MAD1L1: variants seen among roughly 807,000 people sequenced by gnomAD.
The protein encoded by MAD1L1 is mitotic arrest deficient 1 like 1.
MAD1L1 carries 95 observed loss-of-function variants against 96.9 expected under a neutral mutation model. That is an observed-to-expected ratio of 0.98 (90% CI 0.83 to 1.16). The LOEUF is 1.16. MAD1L1 is among the 50% of genes most tolerant of loss of function. The pLI is 0.00. For synonymous variants in MAD1L1, 473 were observed against 396.6 expected (o/e 1.19, Z -2.29); for missense variants, 1,007 against 954.4 (o/e 1.06, Z -0.73).
chr7:2,068,483 T>A (rs1476206092), intron 12 of MAD1L1, among the ~76,000 whole-genome samples: 2 of 152,182 alleles, frequency 1.3e-5, no homozygotes, highest in Non-Finnish European at 1.5e-5. Flanking sequence ...GCAGCATGCA[T>A]CCTGGGCCAG....
chr7:2,137,926 G>A (rs917987040), intron 11 of MAD1L1, among the ~76,000 whole-genome samples: 1 of 152,216 alleles, frequency 6.6e-6, no homozygotes, highest in Admixed American at 6.5e-5. Flanking sequence ...TTTCTGTGCC[G>A]ACGGTGCCAT....
chr7:2,223,080 A>G (rs1183478396), intron 4 of MAD1L1, among the ~76,000 whole-genome samples: 2 of 152,192 alleles, frequency 1.3e-5, no homozygotes, highest in Non-Finnish European at 2.9e-5. Flanking sequence ...TCTAAAATTC[A>G]GCATTGACCT....
chr7:1,975,223 G>A (rs1368671751), intron 15 of MAD1L1, among the ~76,000 whole-genome samples: 1 of 152,228 alleles, frequency 6.6e-6, no homozygotes, highest in Non-Finnish European at 1.5e-5. Context: ...CCTGCCCTGG[G>A]CTCCTGATCC....
In MAD1L1 at chr7:1,816,537, G is replaced by A. The variant is rs535742113; in HGVS notation, c.1999-309C>T. Among the ~76,000 whole-genome samples, 165 of 152,284 alleles carry A rather than the reference G, an allele frequency of 1.1e-3. 1 individual carries two copies. Among genetic ancestry groups the A allele is most frequent in the Middle Eastern group, 0.01 (3 of 294 alleles). ...TCCTTCCTCCACCTGGGGGGCTCCA[G>A]CACCTGTGCCAGGCCCTAGTGCCAC... On this transcript the variant is annotated intron_variant, in intron 18 of 18. Coordinates refer to ENST00000265854, the MANE Select transcript of MAD1L1 (RefSeq NM_001013836.2).
At chr7:2,129,434 C>T (rs1417977512) in intron 11 of MAD1L1, among the ~76,000 whole-genome samples, 3 of 152,228 alleles carry the variant, frequency 2.0e-5, no homozygotes, top group African/African-American at 7.2e-5. Flanking sequence ...CGGCTCCTGT[C>T]CACACGGCTC....
chr7:2,134,200 T>C (rs1788648733), intron 11 of MAD1L1, among the ~76,000 whole-genome samples: 1 of 152,198 alleles, frequency 6.6e-6, no homozygotes, highest in South Asian at 2.1e-4. Context: ...GGTCTGGTGA[T>C]TTCCTCACAC....
At chr7:2,010,914 G>C (rs1782270784) in intron 13 of MAD1L1, among the ~76,000 whole-genome samples, 2 of 152,212 alleles carry the variant, frequency 1.3e-5, no homozygotes, top group Non-Finnish European at 2.9e-5. Context: ...GGACAGAGGG[G>C]TGAACAGAGG....
At position 1,874,376 on chromosome 7, in the gene MAD1L1, T is replaced by C. The variant is rs1037673213; in HGVS notation, c.1998+23824A>G. ...CAGGGAAGCGTCTCAGGAGGAGACG[T>C]TGCAGCAGCACCGGGACGGGGGTAA... On this transcript the variant is annotated intron_variant, in intron 18 of 18. Coordinates refer to ENST00000265854, the MANE Select transcript of MAD1L1 (RefSeq NM_001013836.2). 2.1e-5 allele frequency: 8 copies of C among 375,306 alleles called. 1 individual carries two copies. The highest frequency in any genetic ancestry group is 7.9e-5 in the South Asian group (4 of 50,492). The allele number at this position is 375,306 out of a possible 1,614,324, so 23.2% of individuals were successfully genotyped here.
intron 18 of MAD1L1, among the ~76,000 whole-genome samples, chr7:1,869,028 C>G (rs1463543005): frequency 6.6e-6 from 1 of 152,180 alleles, no homozygotes; most frequent in Admixed American, 6.5e-5. Context: ...TCTGGCTCGG[C>G]AGGCTGGGGT....
intron 14 of MAD1L1, 97 bp downstream of exon 14, chr7:2,001,954 AGGCAGCCATGCACT>A: frequency 9.1e-7 from 1 of 1,101,140 alleles, no homozygotes; most frequent in South Asian, 1.3e-5. Context: ...ACGACAGAAG[AGGCAGCCATGCACT>A]GGCGCCTGCA....
At chr7:1,872,206 T>C (rs1399004911) in intron 18 of MAD1L1, among the ~76,000 whole-genome samples, 1 of 152,190 alleles carries the variant, frequency 6.6e-6, no homozygotes, top group East Asian at 1.9e-4. Context: ...ACATGCACAC[T>C]GTGAGCCCCA....
At chr7:1,954,379 G>A (rs1465338391) in intron 16 of MAD1L1, among the ~76,000 whole-genome samples, 2 of 152,144 alleles carry the variant, frequency 1.3e-5, no homozygotes, top group East Asian at 3.9e-4. Context: ...AAGCTGACAA[G>A]GCCCAGTGTC....
chr7:1,915,636 G>A (rs528602192), intron 17 of MAD1L1, among the ~76,000 whole-genome samples: 16 of 152,336 alleles, frequency 1.1e-4, no homozygotes, highest in African/African-American at 3.8e-4. Flanking sequence ...ATGTGTCGCC[G>A]GCACAGAAGA....
intron 18 of MAD1L1, chr7:1,848,054 G>C (rs950258279): frequency 8.9e-6 from 3 of 337,606 alleles, no homozygotes; most frequent in South Asian, 7.0e-5. Flanking sequence ...CGTGGGATGT[G>C]GTGGGACGGG....
chr7:2,077,675 T>A (rs1418012196), intron 11 of MAD1L1, among the ~76,000 whole-genome samples: 1 of 152,182 alleles, frequency 6.6e-6, no homozygotes, highest in East Asian at 1.9e-4. Context: ...GCAGTGCCGT[T>A]CTGCAGGAGG....
Position 2,052,118 on chromosome 7 carries a change from A to G in MAD1L1, c.1218+17076T>C, listed in dbSNP as rs544942328. ...AGGCCAAGACCCACGCTCCGCACAC[A>G]TCAGAGAGGAGGGGCTGGCCTCAGA... is the stretch of plus-strand genomic sequence containing the variant. On this transcript the variant is annotated intron_variant, in intron 12 of 18. Transcript: ENST00000265854. 5.3e-5 allele frequency among the ~76,000 whole-genome samples: 8 copies of G among 152,206 alleles called. No individual in the cohort carries two copies. In the East Asian group the frequency reaches 7.8e-4, roughly 15 times the overall value.
At chr7:2,037,600 CTG>C (rs1406441019) in intron 12 of MAD1L1, among the ~76,000 whole-genome samples, 1 of 152,174 alleles carries the variant, frequency 6.6e-6, no homozygotes, top group Admixed American at 6.5e-5. Context: ...CACGTCCTGA[CTG>C]TACTTCCGAC....
intron 12 of MAD1L1, among the ~76,000 whole-genome samples, chr7:2,027,313 G>A (rs375536173): frequency 1.2e-4 from 19 of 152,192 alleles, no homozygotes; most frequent in African/African-American, 4.1e-4. Flanking sequence ...CTTATAAAAC[G>A]ATTACAGAAA....
At chr7:1,908,912 G>C (rs546148582) in intron 17 of MAD1L1, among the ~76,000 whole-genome samples, 1 of 152,290 alleles carries the variant, frequency 6.6e-6, no homozygotes, top group Non-Finnish European at 1.5e-5. Flanking sequence ...CCCTGGCGGC[G>C]GCTGGGCGCC....
Sources: gnomAD v4.1 joint callset for allele counts (sites outside exome capture counted in the v4.1 genomes callset) on GRCh38, gnomAD v4.1.1 for gene constraint, MANE v1.5 for transcripts, NCBI Gene and HGNC (gene_info 2026-07-23, HGNC 2026-07-21) for gene names.